Variants in PDE1C observed in about 807,000 individuals in gnomAD.
The protein encoded by PDE1C is phosphodiesterase 1C, also known as dual specificity calcium/calmodulin-dependent 3',5'-cyclic nucleotide phosphodiesterase 1C.
Under a neutral mutation model 93.1 loss-of-function variants are expected in PDE1C, and 62 were observed. The ratio of observed to expected loss-of-function variants is 0.67; its 90% CI spans 0.54 to 0.82. The LOEUF (loss-of-function observed/expected upper bound fraction) is 0.82. PDE1C is among the 40% of genes least tolerant of loss of function. The pLI, the probability that PDE1C is intolerant of heterozygous loss-of-function variation, is 0.00. For missense variants in PDE1C, 742 were observed against 884.6 expected, an observed-to-expected ratio of 0.84 and a Z score of 2.04; for synonymous variants, 325 against 310.1, an observed-to-expected ratio of 1.05 and a Z score of -0.50.
chr7:32,417,840 C>G (rs1785306318), intron 1 of PDE1C, among the ~76,000 whole-genome samples: 1 of 152,004 alleles, frequency 6.6e-6, no homozygotes, highest in Non-Finnish European at 1.5e-5. Context: ...TCAACTTTAA[C>G]CAAACAGAAA....
chr7:31,898,032 G>T (rs1478105611), intron 2 of PDE1C, among the ~76,000 whole-genome samples: 903 of 51,942 alleles, frequency 0.017, 7 homozygotes, highest in African/African-American at 0.035. Flanking sequence ...GTGTGTGTGT[G>T]TGTGTGTGTG....
intron 1 of PDE1C, among the ~76,000 whole-genome samples, chr7:32,213,555 G>A (rs1264968686): frequency 6.6e-6 from 1 of 152,210 alleles, no homozygotes; most frequent in Non-Finnish European, 1.5e-5. Context: ...CCAGATGCGT[G>A]TGACAGTCCA....
intron 1 of PDE1C, among the ~76,000 whole-genome samples, chr7:32,405,443 G>A (rs1583423142): frequency 1.3e-5 from 2 of 151,994 alleles, no homozygotes; most frequent in African/African-American, 2.4e-5. Context: ...TAGAGATGGG[G>A]TTTCTCCATG....
At chr7:32,169,531 C>G (rs1319190581) in intron 3 of PDE1C, among the ~76,000 whole-genome samples, 1 of 152,186 alleles carries the variant, frequency 6.6e-6, no homozygotes, top group Non-Finnish European at 1.5e-5. Context: ...AGTAAATCCT[C>G]TACCTCAGCA....
In PDE1C at chr7:31,775,743, G is replaced by C; in HGVS notation, c.1892-11C>G. 1 of 1,610,314 alleles carries C rather than the reference G, an allele frequency of 6.2e-7. No homozygotes were observed. Among genetic ancestry groups the C allele is most frequent in the Middle Eastern group, 1.7e-4 (1 of 6,060 alleles). On this transcript the variant is annotated splice_polypyrimidine_tract_variant and intron_variant, in intron 16 of 17. Coordinates refer to ENST00000396191, the MANE Select transcript of PDE1C (RefSeq NM_001191057.4). ...AACGCTGTTTTGTGCCTGTGAAGAG[G>C]AAAAAGAGGATAAGGAAAAGTAGGA...
intron 1 of PDE1C, among the ~76,000 whole-genome samples, chr7:32,364,930 A>G (rs1199214402): frequency 6.6e-6 from 1 of 152,208 alleles, no homozygotes; most frequent in Non-Finnish European, 1.5e-5. Context: ...GCTTCTAGTC[A>G]GAGGAACAGT....
intron 1 of PDE1C, among the ~76,000 whole-genome samples, chr7:32,330,678 T>C (rs770948169): frequency 2.0e-5 from 3 of 152,200 alleles, no homozygotes; most frequent in Non-Finnish European, 4.4e-5. Context: ...GGCCAAGGCC[T>C]GTTCCCGAGC....
intron 7 of PDE1C, among the ~76,000 whole-genome samples, chr7:31,860,953 C>T (rs1371745901): frequency 1.3e-5 from 2 of 152,086 alleles, no homozygotes; most frequent in African/African-American, 4.8e-5. Context: ...ATTTTTTAAA[C>T]TGGGTGATTT....
At chr7:31,930,832 G>A (rs1247657066) in intron 2 of PDE1C, among the ~76,000 whole-genome samples, 1 of 99,694 alleles carries the variant, frequency 1.0e-5, no homozygotes, top group Non-Finnish European at 1.8e-5. Context: ...CTGGGCAACA[G>A]AGCAAGACTC....
chr7:32,093,064 T>C (rs1584748839), intron 3 of PDE1C, among the ~76,000 whole-genome samples: 1 of 152,328 alleles, frequency 6.6e-6, no homozygotes, highest in East Asian at 1.9e-4. Context: ...AGAAAGTCTC[T>C]GGCAAACCAG....
At chr7:32,414,480 A>G (rs1410603516) in intron 1 of PDE1C, among the ~76,000 whole-genome samples, 2 of 152,212 alleles carry the variant, frequency 1.3e-5, no homozygotes, top group East Asian at 1.9e-4. Context: ...CACAGTAGCT[A>G]TCTTTAGCTG....
At chr7:31,998,197 T>G (rs992695164) in intron 2 of PDE1C, among the ~76,000 whole-genome samples, 2 of 151,954 alleles carry the variant, frequency 1.3e-5, no homozygotes, top group Non-Finnish European at 2.9e-5. Context: ...TTTTTTGTAT[T>G]TTTAGTAGAG....
downstream of PDE1C, among the ~76,000 whole-genome samples, chr7:31,747,794 T>C (rs750234035): frequency 3.4e-5 from 5 of 146,758 alleles, no homozygotes; most frequent in Non-Finnish European, 7.4e-5. Flanking sequence ...CCCCTGGGTG[T>C]GGTCACAGGG....
At chr7:32,136,353 TA>T (rs66707227) in intron 3 of PDE1C, among the ~76,000 whole-genome samples, 15,249 of 152,032 alleles carry the variant, frequency 0.1, 1,213 homozygotes, top group African/African-American at 0.21. Context: ...TTTATTTATT[TA>T]TTTTTGAGAC....
intron 3 of PDE1C, among the ~76,000 whole-genome samples, chr7:32,155,673 G>T (rs1801523876): frequency 6.6e-6 from 1 of 152,220 alleles, no homozygotes; most frequent in African/African-American, 2.4e-5. Flanking sequence ...AGCATCAGCT[G>T]CTTCCAGACA....
chr7:31,646,218 A>T, the PDE1C span, among the ~76,000 whole-genome samples: 3 of 152,198 alleles, frequency 2.0e-5, no homozygotes, highest in African/African-American at 7.2e-5. Flanking sequence ...AGACCTGTTT[A>T]ATCCATCAGG....
chr7:32,210,124 G>A (rs910953879), intron 1 of PDE1C, among the ~76,000 whole-genome samples: 5 of 152,196 alleles, frequency 3.3e-5, no homozygotes, highest in Non-Finnish European at 5.9e-5. Flanking sequence ...TCTCAGCAGG[G>A]CAGGCTACCT....
chr7:32,133,350 C>T (rs1363681885), intron 3 of PDE1C, among the ~76,000 whole-genome samples: 1 of 152,146 alleles, frequency 6.6e-6, no homozygotes, highest in African/African-American at 2.4e-5. Context: ...GAAGTTGAAA[C>T]TGGAGCAAGT....
At position 32,388,678 on chromosome 7, in the gene PDE1C, T is replaced by TAAAA. The variant is rs5883343; in HGVS notation, c.310+39140_310+39143dup. Among the ~76,000 whole-genome samples, 85 of 81,564 alleles carry TAAAA rather than the reference T, an allele frequency of 1.0e-3. 1 individual carries two copies. Among genetic ancestry groups the TAAAA allele is most frequent in the African/African-American group, 2.2e-3 (41 of 18,988 alleles). 53.5% of individuals were successfully genotyped at this position (81,564 alleles called of 152,430 possible). On this transcript the variant is annotated intron_variant, in intron 1 of 1. Transcript: ENST00000672256. ...TGTGAGAAAGAATGGGTCCCATTTC[T>TAAAA]AAAAAAAAAAAAAAAAAAAAAAAAA...
Sources: allele counts gnomAD v4.1 joint callset (sites outside exome capture counted in the v4.1 genomes callset), GRCh38; gene constraint gnomAD v4.1.1; transcripts MANE v1.5; gene names NCBI Gene and HGNC (gene_info 2026-07-23, HGNC 2026-07-21).